Variants in FAM53A observed in about 807,000 individuals in gnomAD.
FAM53A encodes protein FAM53A.
FAM53A carries 28 observed loss-of-function variants against 26.6 expected under a neutral mutation model. The ratio of observed to expected loss-of-function variants is 1.05; its 90% confidence interval spans 0.78 to 1.45. FAM53A has a LOEUF of 1.45. Ranked by LOEUF, FAM53A falls within the 40% of genes most tolerant of loss-of-function variation. FAM53A has a pLI of 0.00. For synonymous variants in FAM53A, 290 were observed against 253.1 expected, an observed-to-expected ratio of 1.15 and a Z score of -1.38; for missense variants, 650 against 575.8, an observed-to-expected ratio of 1.13 and a Z score of -1.32.
chr4:1,631,315 G>C lies in FAM53A; in HGVS notation c.432-13204C>G, dbSNP rs1216112754. On this transcript the variant is annotated intron_variant, in intron 1 of 1. Coordinates refer to the FAM53A transcript ENST00000489029. ...CCCAGGCCTGCTGTGGGCAGCAAAG[G>C]TCTCCATCAACCCCATGTCCCAGGC... 2.0e-5 allele frequency among the ~76,000 whole-genome samples: 3 copies of C among 152,344 alleles called. No individual in the cohort carries two copies. The East Asian group carries it at 5.8e-4, about 29-fold the overall frequency.
intron 2 of FAM53A, among the ~76,000 whole-genome samples, chr4:1,660,516 G>A (rs1713749079): frequency 6.6e-6 from 1 of 152,062 alleles, no homozygotes; most frequent in Non-Finnish European, 1.5e-5. Context: ...TTGGGCTAGG[G>A]AGGCCAAGGC....
chr4:1,589,762 T>A, the FAM53A span, among the ~76,000 whole-genome samples: 1 of 152,174 alleles, frequency 6.6e-6, no homozygotes, highest in Admixed American at 6.5e-5. Context: ...TTATTTTCCA[T>A]TTTTATTCTA....
chr4:1,637,498 G>A (rs1460654145), downstream of FAM53A, among the ~76,000 whole-genome samples: 3 of 152,064 alleles, frequency 2.0e-5, no homozygotes, highest in African/African-American at 7.2e-5. Context: ...GGAAGGGTGG[G>A]GAAGCCATCC....
At chr4:1,614,130 G>A (rs540571125), downstream of FAM53A, among the ~76,000 whole-genome samples, 2 of 152,204 alleles carry the variant, frequency 1.3e-5, no homozygotes, top group African/African-American at 4.8e-5. Flanking sequence ...GCAGACACTG[G>A]AGGGGCATAG....
the FAM53A span, among the ~76,000 whole-genome samples, chr4:1,579,213 T>G: frequency 1.7e-4 from 2 of 11,724 alleles, no homozygotes; most frequent in South Asian, 1.8e-3. Flanking sequence ...CCCCCGCCCC[T>G]AGCCGCCATC....
At chr4:1,636,519 C>CG (rs1248913396), downstream of FAM53A, among the ~76,000 whole-genome samples, 1 of 152,242 alleles carries the variant, frequency 6.6e-6, no homozygotes, top group African/African-American at 2.4e-5. Context: ...TCAAGCTTCC[C>CG]GCTGTACGTG....
the FAM53A span, among the ~76,000 whole-genome samples, chr4:1,578,513 G>A: frequency 1.3e-5 from 2 of 151,906 alleles, no homozygotes; most frequent in African/African-American, 4.8e-5. Context: ...TAGGAGGTGA[G>A]GGGACCCTCA....
At chr4:1,578,145 C>T in the FAM53A span, among the ~76,000 whole-genome samples, 1 of 152,286 alleles carries the variant, frequency 6.6e-6, no homozygotes, top group African/African-American at 2.4e-5. Flanking sequence ...CCAGGCCCCC[C>T]CCAAGCCTGG....
At chr4:1,656,976 G>C (rs116659512) in intron 3 of FAM53A, among the ~76,000 whole-genome samples, 1 of 152,156 alleles carries the variant, frequency 6.6e-6, no homozygotes, top group African/African-American at 2.4e-5. Flanking sequence ...GCCCACCTGC[G>C]GGTGAACCAG....
chr4:1,607,895 A>ACGCC, the FAM53A span, among the ~76,000 whole-genome samples: 2 of 150,290 alleles, frequency 1.3e-5, no homozygotes, highest in Non-Finnish European at 3.0e-5. Context: ...AGCCGAGATC[A>ACGCC]CGCCACTGCA....
intron 3 of FAM53A, among the ~76,000 whole-genome samples, chr4:1,657,081 C>T (rs1382758243): frequency 2.0e-5 from 3 of 152,234 alleles, no homozygotes; most frequent in Non-Finnish European, 2.9e-5. Context: ...CCAGCCACGC[C>T]GTCCTCTTCT....
At chr4:1,650,375 G>T (rs1411010705) in intron 4 of FAM53A, among the ~76,000 whole-genome samples, 1 of 88,320 alleles carries the variant, frequency 1.1e-5, no homozygotes, top group Admixed American at 1.2e-4. Flanking sequence ...AGGTGGCACA[G>T]GTGTGGTGTT....
chr4:1,642,962 G>A (rs1372650099), intron 4 of FAM53A, among the ~76,000 whole-genome samples: 2 of 152,156 alleles, frequency 1.3e-5, no homozygotes. Flanking sequence ...CAGCACCCTC[G>A]GCCACCTAAA....
At chr4:1,670,189 C>T (rs1358088240) in intron 1 of FAM53A, among the ~76,000 whole-genome samples, 4 of 152,282 alleles carry the variant, frequency 2.6e-5, no homozygotes, top group Non-Finnish European at 5.9e-5. Flanking sequence ...AAAGGAGACT[C>T]ACACGCACAC....
intron 4 of FAM53A, among the ~76,000 whole-genome samples, chr4:1,643,449 G>C (rs1349490956): frequency 1.3e-5 from 2 of 151,942 alleles, no homozygotes; most frequent in Non-Finnish European, 2.9e-5. Flanking sequence ...CTGGGAGACA[G>C]AGTGAGACTC....
At chr4:1,625,163 C>T (rs1167517235) in intron 1 of FAM53A, among the ~76,000 whole-genome samples, 2 of 44,068 alleles carry the variant, frequency 4.5e-5, no homozygotes, top group African/African-American at 2.1e-4. Context: ...CCCCACGTCC[C>T]GGCCCACGTG....
the FAM53A span, among the ~76,000 whole-genome samples, chr4:1,582,914 T>C: frequency 6.6e-6 from 1 of 152,028 alleles, no homozygotes; most frequent in African/African-American, 2.4e-5. Context: ...AACCTTGGGA[T>C]TGGATTTCTA....
At chr4:1,580,836 C>A in the FAM53A span, among the ~76,000 whole-genome samples, 1 of 108,808 alleles carries the variant, frequency 9.2e-6, no homozygotes, top group African/African-American at 3.9e-5. Context: ...CCCAGGTCCC[C>A]CCCTCTAACC....
chr4:1,636,609 T>A (rs1715850377), downstream of FAM53A, among the ~76,000 whole-genome samples: 1 of 152,228 alleles, frequency 6.6e-6, no homozygotes, highest in African/African-American at 2.4e-5. Context: ...TCACACTGGC[T>A]GTCCTGGGTG....
Sources: allele counts gnomAD v4.1 joint callset (sites outside exome capture counted in the v4.1 genomes callset), GRCh38; gene constraint gnomAD v4.1.1; transcripts MANE v1.5; gene names NCBI Gene and HGNC (gene_info 2026-07-23, HGNC 2026-07-21).